The following TRAPPC8 variants were observed in gnomAD, a reference collection of about 807,000 sequenced individuals.
TRAPPC8 encodes the protein trafficking protein particle complex subunit 8, also known as general sporulation gene 1 homolog.
A neutral mutation model predicts 174.3 loss-of-function variants in TRAPPC8; 54 were observed. The observed-to-expected ratio is 0.31, with a 90% CI of 0.25 to 0.39. The LOEUF (loss-of-function observed/expected upper bound fraction) is 0.39, where lower values mean the gene tolerates loss of function less well. Among genes scored for constraint, TRAPPC8 ranks in the 10% least tolerant of loss-of-function variants. TRAPPC8 has a pLI of 1.00. For synonymous variants in TRAPPC8, 630 were observed against 579.9 expected (o/e 1.09, Z -1.24); for missense variants, 1,531 against 1,699.1 (o/e 0.90, Z 1.74).
rs571531616 is a variant in TRAPPC8, at chr18:31,913,915, C to A, written c.618-393G>T. On this transcript the variant is annotated intron_variant, in intron 4 of 28. Transcript: ENST00000283351. ...TGACTCAGCGTGGTGGCCATAATCC[C>A]AGCACTTTGGAAGGCCAAGGTGGGA... Among the ~76,000 whole-genome samples, 10 of 152,098 alleles carry A rather than the reference C, an allele frequency of 6.6e-5. No homozygotes were observed. The South Asian group carries it at 1.7e-3, about 25-fold the overall frequency.
At chr18:31,894,501 A>G (rs2036104591) in intron 11 of TRAPPC8, among the ~76,000 whole-genome samples, 2 of 152,212 alleles carry the variant, frequency 1.3e-5, no homozygotes, top group African/African-American at 4.8e-5. Flanking sequence ...TAGCACTTCA[A>G]CAAGAACTCT....
chr18:31,854,125 A>G (rs1380094915), intron 21 of TRAPPC8, among the ~76,000 whole-genome samples, 180 bp from the exon 22 acceptor site: 4 of 152,230 alleles, frequency 2.6e-5, no homozygotes, highest in Non-Finnish European at 5.9e-5. Context: ...AGAGACATCA[A>G]CATTTTGTCC....
At chr18:31,918,337 C>A (rs949675523) in intron 2 of TRAPPC8, among the ~76,000 whole-genome samples, 39 of 152,250 alleles carry the variant, frequency 2.6e-4, no homozygotes, top group Admixed American at 2.4e-3. Context: ...AAGATTATTT[C>A]TTTAGAACTC....
At chr18:31,938,764 T>C (rs746167612) in intron 1 of TRAPPC8, among the ~76,000 whole-genome samples, 19 of 152,204 alleles carry the variant, frequency 1.2e-4, no homozygotes, top group Non-Finnish European at 2.2e-4. Context: ...TGCCTGAAAT[T>C]ATATTCTCAT....
chr18:31,905,233 A>C (rs1312368857), intron 9 of TRAPPC8, among the ~76,000 whole-genome samples: 1 of 152,226 alleles, frequency 6.6e-6, no homozygotes, highest in African/African-American at 2.4e-5. Context: ...AGTTCAAATT[A>C]AATTTTTATT....
rs766585066 is a variant in TRAPPC8, at chr18:31,867,406, T to G, written c.2459A>C (p.Lys820Thr). ...GAGAAATGATAAAATAATTACCACT[T>G]TTGATTCTTCGCCATTAATTAAGAA... ...SEFLINGEES[K>T]VARLKLFPHH... The change falls in exon 17 of 29, where the codon AAA becomes ACA. Residue 820 changes from lysine to threonine, a missense_variant. Coordinates refer to ENST00000283351, the MANE Select transcript of TRAPPC8 (RefSeq NM_014939.5). 2 of 1,603,962 alleles carry G rather than the reference T, an allele frequency of 1.2e-6. No individual in the cohort carries two copies. Among genetic ancestry groups the G allele is most frequent in the Non-Finnish European group, 1.7e-6 (2 of 1,171,702 alleles).
chr18:31,832,380 A>G, intron 27 of TRAPPC8: 1 of 209,610 alleles, frequency 4.8e-6, no homozygotes. Context: ...AATATTAAAT[A>G]TCAGAATATA....
chr18:31,873,640 C>G, intron 13 of TRAPPC8, 102 bp from the exon 14 acceptor site: 1 of 751,268 alleles, frequency 1.3e-6, no homozygotes, highest in Non-Finnish European at 2.2e-6. Context: ...ATATGTTAAG[C>G]AAGAATATTA....
At chr18:31,935,360 A>C (rs71372027) in intron 1 of TRAPPC8, among the ~76,000 whole-genome samples, 26,613 of 65,278 alleles carry the variant, frequency 0.41, 3,649 homozygotes, top group Non-Finnish European at 0.44. Flanking sequence ...ACAAACAAAC[A>C]AACCAAAAAA....
intron 12 of TRAPPC8, among the ~76,000 whole-genome samples, chr18:31,876,475 G>A (rs368216616): frequency 1.4e-4 from 10 of 69,896 alleles, no homozygotes; most frequent in African/African-American, 8.4e-4. Flanking sequence ...GGGCTACACT[G>A]CGAGACTCCA....
chr18:31,880,122 T>TATATATG (rs1491572903), intron 12 of TRAPPC8, among the ~76,000 whole-genome samples: 2 of 65,924 alleles, frequency 3.0e-5, no homozygotes, highest in Non-Finnish European at 5.9e-5. Context: ...TATATATATA[T>TATATATG]TTTTTTTTTT....
chr18:31,843,525 T>C (rs1598592057), intron 26 of TRAPPC8, among the ~76,000 whole-genome samples: 1 of 152,210 alleles, frequency 6.6e-6, no homozygotes, highest in East Asian at 1.9e-4. Flanking sequence ...ATGTTGAAAG[T>C]TGCAATCTTA....
Position 31,900,955 on chromosome 18 carries a change from G to A in TRAPPC8, c.1460C>T (p.Thr487Ile). Residue 487 changes from threonine to isoleucine, a missense_variant, in exon 10 of 29, where the codon ACA becomes ATA. Thr to Ile is a moderately conservative substitution (Grantham distance 89). Coordinates refer to ENST00000283351, the MANE Select transcript of TRAPPC8 (RefSeq NM_014939.5). ...GATATCTCTGTATGTCTGAATTGCT[G>A]TATCCATGTAATGAGCAGGATATGG... ...PRPYPAHYMDTAIQTYRDICK... is the reference protein window; with the variant it reads ...PRPYPAHYMDIAIQTYRDICK... 1 of 1,595,820 alleles carries A rather than the reference G, an allele frequency of 6.3e-7. No individual in the cohort carries two copies. Among genetic ancestry groups the A allele is most frequent in the Non-Finnish European group, 8.5e-7 (1 of 1,174,976 alleles).
intron 2 of TRAPPC8, among the ~76,000 whole-genome samples, chr18:31,919,003 T>C (rs565046599): frequency 2.0e-4 from 30 of 152,324 alleles, no homozygotes; most frequent in African/African-American, 7.0e-4. Context: ...TTTCTGCTTA[T>C]ATTATAATAC....
At chr18:31,911,734 G>A (rs2036913167) in intron 5 of TRAPPC8, among the ~76,000 whole-genome samples, 1 of 139,136 alleles carries the variant, frequency 7.2e-6, no homozygotes, top group African/African-American at 2.7e-5. Context: ...TCCGGCCTGG[G>A]CGATAGAGTA....
At chr18:31,833,572 C>A (rs571360803) in intron 27 of TRAPPC8, among the ~76,000 whole-genome samples, 1 of 152,310 alleles carries the variant, frequency 6.6e-6, no homozygotes, top group South Asian at 2.1e-4. Context: ...TTAATTAGCA[C>A]CACAATGCAA....
intron 11 of TRAPPC8, among the ~76,000 whole-genome samples, chr18:31,892,396 A>G (rs1374492249): frequency 6.6e-6 from 1 of 152,186 alleles, no homozygotes; most frequent in African/African-American, 2.4e-5. Flanking sequence ...TTTCTAAGAC[A>G]TCTACATCTG....
intron 18 of TRAPPC8, among the ~76,000 whole-genome samples, chr18:31,866,280 CCT>C (rs2034581980): frequency 2.0e-5 from 3 of 151,860 alleles, no homozygotes; most frequent in South Asian, 2.1e-4. Context: ...TGAAGGGTTC[CCT>C]GAGTTTAAAA....
intron 2 of TRAPPC8, 87 bp from the exon 3 acceptor site, chr18:31,917,754 G>T: frequency 8.2e-7 from 1 of 1,222,598 alleles, no homozygotes; most frequent in Admixed American, 2.3e-5. Context: ...ATTCCTAAAA[G>T]GTATAAAAAA....
Sources: allele counts gnomAD v4.1 joint callset (sites outside exome capture counted in the v4.1 genomes callset), GRCh38; gene constraint gnomAD v4.1.1; transcripts MANE v1.5; gene names NCBI Gene and HGNC (gene_info 2026-07-23, HGNC 2026-07-21).